CALN1: variants seen among roughly 807,000 people sequenced by gnomAD.
CALN1 encodes calneuron 1.
In CALN1, 17 loss-of-function variants were observed where a neutral mutation model predicts 30.6. The observed-to-expected ratio is 0.56, with a 90% CI of 0.38 to 0.83. The LOEUF is 0.83. Ranked by LOEUF, CALN1 falls within the 40% of genes least tolerant of loss-of-function variation. The pLI is 0.00. For missense variants in CALN1, 291 were observed against 354.9 expected (o/e 0.82, Z 1.45); for synonymous variants, 156 against 131.4 (o/e 1.19, Z -1.28).
At chr7:71,902,261 CAACCAATCAA>C (rs1326483636) in intron 5 of CALN1, among the ~76,000 whole-genome samples, 4 of 99,248 alleles carry the variant, frequency 4.0e-5, no homozygotes, top group African/African-American at 9.1e-5. Flanking sequence ...ACCAACCAAC[CAACCAATCAA>C]AAAAAAAAAA....
intron 5 of CALN1, among the ~76,000 whole-genome samples, chr7:71,861,612 G>GAA: frequency 6.7e-6 from 1 of 148,590 alleles, no homozygotes; most frequent in Non-Finnish European, 1.5e-5. Flanking sequence ...CTGTGACTAC[G>GAA]AAAAAAAAAA....
intron 4 of CALN1, among the ~76,000 whole-genome samples, chr7:72,091,249 T>C (rs1190541299): frequency 6.6e-6 from 1 of 152,174 alleles, no homozygotes; most frequent in Non-Finnish European, 1.5e-5. Flanking sequence ...GGAGAATCGC[T>C]GGAACTGGTA....
At chr7:71,826,434 T>C (rs761912667) in intron 5 of CALN1, among the ~76,000 whole-genome samples, 1 of 152,182 alleles carries the variant, frequency 6.6e-6, no homozygotes, top group Non-Finnish European at 1.5e-5. Flanking sequence ...AAAGCTTTGC[T>C]CTCTGAAAAA....
At chr7:71,985,080 A>C (rs1388479102) in intron 5 of CALN1, among the ~76,000 whole-genome samples, 1 of 152,150 alleles carries the variant, frequency 6.6e-6, no homozygotes, top group African/African-American at 2.4e-5. Context: ...ACAATGAATC[A>C]AAACAAAGAA....
intron 2 of CALN1, among the ~76,000 whole-genome samples, chr7:72,377,436 CGTGT>C (rs138060244): frequency 0.047 from 6,681 of 142,380 alleles, 199 homozygotes; most frequent in African/African-American, 0.081. Flanking sequence ...GCCACACTTT[CGTGT>C]GTGTGTGTGT....
At chr7:72,468,801 A>G in the CALN1 span, among the ~76,000 whole-genome samples, 1 of 152,060 alleles carries the variant, frequency 6.6e-6, no homozygotes, top group Non-Finnish European at 1.5e-5. Flanking sequence ...GCATTTCTTT[A>G]GTGACTAATG....
intron 4 of CALN1, among the ~76,000 whole-genome samples, chr7:72,096,009 A>C (rs1054192471): frequency 1.3e-5 from 2 of 152,114 alleles, no homozygotes; most frequent in Admixed American, 6.6e-5. Context: ...ACTGCATTCC[A>C]GCCTGGGCAA....
At chr7:72,168,623 TAA>T (rs1192546946) in intron 3 of CALN1, among the ~76,000 whole-genome samples, 1 of 152,084 alleles carries the variant, frequency 6.6e-6, no homozygotes, top group Non-Finnish European at 1.5e-5. Flanking sequence ...ACTAAAAAAG[TAA>T]AAGAGACAGT....
chr7:71,905,181 C>T (rs1053053784), intron 5 of CALN1, among the ~76,000 whole-genome samples: 3 of 152,096 alleles, frequency 2.0e-5, no homozygotes, highest in South Asian at 2.1e-4. Context: ...TTGGGTGATC[C>T]GCCTGCCTCA....
chr7:71,801,320 C>T (rs901895420), intron 6 of CALN1, among the ~76,000 whole-genome samples: 12 of 152,066 alleles, frequency 7.9e-5, no homozygotes, highest in African/African-American at 2.9e-4. Flanking sequence ...TCAAGTGATC[C>T]TCCCACCTGA....
At chr7:72,179,478 T>C (rs531941989) in intron 3 of CALN1, among the ~76,000 whole-genome samples, 1 of 152,318 alleles carries the variant, frequency 6.6e-6, no homozygotes, top group East Asian at 1.9e-4. Flanking sequence ...CAGCAAGTTT[T>C]CTCTAATGGA....
chr7:72,129,226 CAG>C (rs1808973312), intron 3 of CALN1, among the ~76,000 whole-genome samples: 1 of 152,186 alleles, frequency 6.6e-6, no homozygotes, highest in African/African-American at 2.4e-5. Context: ...TGATAACACA[CAG>C]TGTGGATAAG....
Position 71,847,788 on chromosome 7 carries a change from G to GAA in CALN1, c.502-37298_502-37297dup, listed in dbSNP as rs1330841109. Among the ~76,000 whole-genome samples, 123 of 146,904 alleles carry GAA rather than the reference G, an allele frequency of 8.4e-4. 1 individual carries two copies. Among genetic ancestry groups the GAA allele is most frequent in the Admixed American group, 3.9e-3 (57 of 14,506 alleles). ...GAAGAAGAAGAAAGAAGAAGAAGAAGAAGAAGAAAAGAAGAAAAGAAGGAG... is the reference window on the plus strand; with the variant it reads ...GAAGAAGAAGAAAGAAGAAGAAGAAGAAAAGAAGAAAAGAAGAAAAGAAGGAG... On this transcript the variant is annotated intron_variant, in intron 5 of 6. Coordinates refer to ENST00000395275, the MANE Select transcript of CALN1 (RefSeq NM_031468.4).
the CALN1 span, among the ~76,000 whole-genome samples, chr7:72,502,602 T>C: frequency 2.6e-5 from 4 of 152,052 alleles, no homozygotes; most frequent in Non-Finnish European, 5.9e-5. Context: ...TAAACTACTA[T>C]TTCTTGATTT....
chr7:72,407,665 C>T (rs772994494), intron 1 of CALN1, among the ~76,000 whole-genome samples: 11 of 152,176 alleles, frequency 7.2e-5, no homozygotes, highest in South Asian at 4.1e-4. Flanking sequence ...CCATTAAACC[C>T]CTTTTCTTTG....
At chr7:72,277,538 T>C (rs898552998) in intron 3 of CALN1, among the ~76,000 whole-genome samples, 7 of 152,158 alleles carry the variant, frequency 4.6e-5, no homozygotes, top group African/African-American at 9.7e-5. Context: ...CAGACTCTCT[T>C]TGGACCCAGC....
In CALN1 at chr7:72,143,304, T is replaced by C. The variant is rs1323063803; in HGVS notation, c.245-37010A>G. On this transcript the variant is annotated intron_variant, in intron 3 of 6. Coordinates refer to ENST00000395275, the MANE Select transcript of CALN1 (RefSeq NM_031468.4). Reference sequence around the variant, plus strand: ...AAGGACCTGATGGAGCTGAAAACCATGGCACGAGAACTACGTGAAGAATGC... The same window carrying C: ...AAGGACCTGATGGAGCTGAAAACCACGGCACGAGAACTACGTGAAGAATGC... Among the ~76,000 whole-genome samples, 5 of 152,146 alleles carry C rather than the reference T, an allele frequency of 3.3e-5. No individual in the cohort carries two copies. In the East Asian group the frequency reaches 7.7e-4, roughly 23 times the overall value.
chr7:71,908,933 G>A (rs769459032), intron 5 of CALN1, among the ~76,000 whole-genome samples: 78 of 152,218 alleles, frequency 5.1e-4, no homozygotes, highest in Non-Finnish European at 8.8e-4. Flanking sequence ...ATCCAGCAAC[G>A]TCTTATTGAG....
At chr7:72,125,840 C>T (rs942598814) in intron 3 of CALN1, among the ~76,000 whole-genome samples, 3 of 142,408 alleles carry the variant, frequency 2.1e-5, no homozygotes, top group African/African-American at 8.0e-5. Context: ...CTTGCCCTGT[C>T]GCCCAGGCTA....
Sources: allele counts gnomAD v4.1 joint callset (sites outside exome capture counted in the v4.1 genomes callset), GRCh38; gene constraint gnomAD v4.1.1; transcripts MANE v1.5; gene names NCBI Gene and HGNC (gene_info 2026-07-23, HGNC 2026-07-21).